FHL2: variants seen among roughly 807,000 people sequenced by gnomAD.
FHL2 encodes the protein four and a half LIM domains protein 2.
A neutral mutation model predicts 32.7 loss-of-function variants in FHL2; 20 were observed. The ratio of observed to expected loss-of-function variants is 0.61; its 90% confidence interval spans 0.43 to 0.89. FHL2 has a LOEUF of 0.89. FHL2 is among the 40% of genes least tolerant of loss of function. FHL2 has a pLI of 0.00. For missense variants in FHL2, 311 were observed against 358.6 expected, an observed-to-expected ratio of 0.87 and a Z score of 1.07; for synonymous variants, 123 against 128.1, an observed-to-expected ratio of 0.96 and a Z score of 0.27.
chr2:105,374,039 A>G (rs1681289908), intron 3 of FHL2: 1 of 393,310 alleles, frequency 2.5e-6, no homozygotes. Flanking sequence ...CAAGAAAGAG[A>G]AACAGAAAAC....
At position 105,384,230 on chromosome 2, in the gene FHL2, G is replaced by A. The variant is rs57267460; in HGVS notation, c.156+2131C>T. ...CGTAAGTATTTCTTTTCCAGCTAAAGCTTTTATAATTATATTTTTCTCGGG... is the reference window on the plus strand; with the variant it reads ...CGTAAGTATTTCTTTTCCAGCTAAAACTTTTATAATTATATTTTTCTCGGG... On this transcript the variant is annotated intron_variant, in intron 3 of 6. Transcript: ENST00000530340. 1.8e-4 allele frequency among the ~76,000 whole-genome samples: 27 copies of A among 152,300 alleles called. No homozygotes were observed. The East Asian group carries it at 5.2e-3, about 29-fold the overall frequency.
chr2:105,396,539 G>A, intron 2 of FHL2, 108 bp downstream of exon 2: 1 of 946,266 alleles, frequency 1.1e-6, no homozygotes, highest in South Asian at 1.5e-5. Context: ...ATGACTGAAT[G>A]TTTGGGCACC....
intron 3 of FHL2, chr2:105,374,528 G>T (rs796120189): frequency 8.5e-5 from 13 of 152,394 alleles, no homozygotes; most frequent in African/African-American, 2.6e-4. Flanking sequence ...GTAAGGATGT[G>T]GGAGTGGAGG....
At chr2:105,381,447 G>C (rs35288431) in intron 3 of FHL2, among the ~76,000 whole-genome samples, 1 of 152,104 alleles carries the variant, frequency 6.6e-6, no homozygotes, top group Non-Finnish European at 1.5e-5. Flanking sequence ...TGTCCCCTTC[G>C]CGCAGCTTGT....
At chr2:105,396,095 T>G (rs1468676965) in intron 2 of FHL2, among the ~76,000 whole-genome samples, 1 of 152,186 alleles carries the variant, frequency 6.6e-6, no homozygotes, top group Non-Finnish European at 1.5e-5. Context: ...ACTTTTTAAA[T>G]AGATGTTACC....
rs1558676317 is a variant in FHL2 at position 105,361,155 on chromosome 2, C to G, written c.*128G>C. On this transcript the variant is annotated 3_prime_UTR_variant, in exon 7 of 7. Coordinates refer to ENST00000530340, the MANE Select transcript of FHL2 (RefSeq NM_001318895.3). ...AAAGGGTTTAAGCAAACGTGAGTATCACTGAAAAGCACTAGAAGAAAGTCT... is the reference window on the plus strand; with the variant it reads ...AAAGGGTTTAAGCAAACGTGAGTATGACTGAAAAGCACTAGAAGAAAGTCT... 2.2e-6 allele frequency: 2 copies of G among 915,136 alleles called. No homozygotes were observed. Among genetic ancestry groups the G allele is most frequent in the Non-Finnish European group, 3.4e-6 (2 of 596,548 alleles). The allele number at this position is 915,136 out of a possible 1,614,324, so 56.7% of individuals were successfully genotyped here.
At chr2:105,422,370 A>G (rs1411175127) in intron 1 of FHL2, among the ~76,000 whole-genome samples, 1 of 152,184 alleles carries the variant, frequency 6.6e-6, no homozygotes, top group Non-Finnish European at 1.5e-5. Context: ...CAGGGGCCCT[A>G]TGTGGATGGA....
chr2:105,424,880 G>C (rs188336916), intron 1 of FHL2, among the ~76,000 whole-genome samples: 111 of 152,278 alleles, frequency 7.3e-4, no homozygotes, highest in South Asian at 6.0e-3. Context: ...AGGGAGTGGG[G>C]GCCTGGGAGA....
chr2:105,357,947 G>T (rs1573260156), downstream of FHL2: 2 of 152,158 alleles, frequency 1.3e-5, no homozygotes, highest in East Asian at 3.9e-4. Context: ...GTATGCCTTA[G>T]AGAATGCTTT....
chr2:105,398,360 C>T (rs1426062190), intron 1 of FHL2, among the ~76,000 whole-genome samples: 1 of 152,244 alleles, frequency 6.6e-6, no homozygotes, highest in Non-Finnish European at 1.5e-5. Context: ...TAAATGTCTA[C>T]CTGAGTCAAG....
At chr2:105,401,802 A>T (rs566642255), upstream of FHL2, among the ~76,000 whole-genome samples, 62 of 152,240 alleles carry the variant, frequency 4.1e-4, no homozygotes, top group African/African-American at 1.4e-3. Context: ...GTAGGTAGAA[A>T]CCAACCATTT....
intron 1 of FHL2, among the ~76,000 whole-genome samples, chr2:105,413,838 T>G (rs1683861559): frequency 6.6e-6 from 1 of 152,164 alleles, no homozygotes; most frequent in East Asian, 1.9e-4. Flanking sequence ...TGACCCCAGA[T>G]GGGGGTAATT....
At chr2:105,419,584 A>G (rs1039956763) in intron 1 of FHL2, among the ~76,000 whole-genome samples, 2 of 152,204 alleles carry the variant, frequency 1.3e-5, no homozygotes, top group Admixed American at 1.3e-4. Flanking sequence ...AACCTCACCA[A>G]TATCACCCTT....
At chr2:105,410,670 T>C (rs992492397) in intron 1 of FHL2, among the ~76,000 whole-genome samples, 1 of 152,196 alleles carries the variant, frequency 6.6e-6, no homozygotes, top group African/African-American at 2.4e-5. Context: ...ACGAGAAGGA[T>C]TCTTGGCACA....
chr2:105,411,615 G>A (rs1299810119), intron 1 of FHL2, among the ~76,000 whole-genome samples: 4 of 146,682 alleles, frequency 2.7e-5, no homozygotes, highest in East Asian at 2.0e-4. Context: ...CGAGGCGGGC[G>A]GATCACTTGA....
intron 1 of FHL2, among the ~76,000 whole-genome samples, chr2:105,397,153 T>TA (rs1362358993): frequency 2.6e-5 from 4 of 151,606 alleles, no homozygotes; most frequent in East Asian, 1.9e-4. Context: ...ATTCAAATGT[T>TA]AAAAAAAATA....
intron 1 of FHL2, among the ~76,000 whole-genome samples, chr2:105,406,387 C>T (rs530524890): frequency 1.3e-5 from 2 of 151,972 alleles, no homozygotes; most frequent in Admixed American, 6.6e-5. Context: ...GGGGTTCCAG[C>T]GGTGAATCAC....
intron 6 of FHL2, 114 bp from the exon 7 acceptor site, chr2:105,361,548 A>G: frequency 1.1e-6 from 1 of 875,452 alleles, no homozygotes; most frequent in Non-Finnish European, 1.7e-6. Flanking sequence ...TAATATGGAT[A>G]ATGTGAATTT....
chr2:105,382,931 G>A (rs951898253), intron 3 of FHL2, among the ~76,000 whole-genome samples: 3 of 152,154 alleles, frequency 2.0e-5, no homozygotes, highest in African/African-American at 7.2e-5. Context: ...TGTCACCCAG[G>A]CTGGAGTACA....
Sources: gnomAD v4.1 joint callset for allele counts (sites outside exome capture counted in the v4.1 genomes callset) on GRCh38, gnomAD v4.1.1 for gene constraint, MANE v1.5 for transcripts, NCBI Gene and HGNC (gene_info 2026-07-23, HGNC 2026-07-21) for gene names.